ANKFN1: variants seen among roughly 807,000 people sequenced by gnomAD.
ANKFN1 encodes ankyrin repeat and fibronectin type-III domain-containing protein 1.
In ANKFN1, 74 loss-of-function variants were observed where a neutral mutation model predicts 108.7. The ratio of observed to expected loss-of-function variants is 0.68; its 90% CI spans 0.56 to 0.83. ANKFN1 has a LOEUF of 0.83. Among genes scored for constraint, ANKFN1 ranks in the 40% least tolerant of loss-of-function variants. The pLI is 0.00. For synonymous variants in ANKFN1, 547 were observed against 516.2 expected (o/e 1.06, Z -0.81); for missense variants, 1,505 against 1,382.3 (o/e 1.09, Z -1.41).
At chr17:56,291,918 A>C (rs74710986) in intron 3 of ANKFN1, among the ~76,000 whole-genome samples, 3,283 of 152,338 alleles carry the variant, frequency 0.022, 142 homozygotes, top group African/African-American at 0.074. Flanking sequence ...AGAGGAAGGT[A>C]CTTAATCCAC....
intron 1 of ANKFN1, among the ~76,000 whole-genome samples, chr17:56,195,698 C>T (rs1215405804): frequency 6.6e-6 from 1 of 152,210 alleles, no homozygotes. Flanking sequence ...TGACAGCAGC[C>T]AGACTGAGGG....
At chr17:56,236,005 T>G (rs1040715178) in intron 3 of ANKFN1, among the ~76,000 whole-genome samples, 1 of 152,114 alleles carries the variant, frequency 6.6e-6, no homozygotes, top group Non-Finnish European at 1.5e-5. Context: ...ATGGAATGTT[T>G]TTCCATTTAT....
chr17:56,208,280 CA>C (rs1181961386), intron 1 of ANKFN1, among the ~76,000 whole-genome samples: 2 of 152,186 alleles, frequency 1.3e-5, no homozygotes, highest in African/African-American at 4.8e-5. Flanking sequence ...CTTGGCCTCC[CA>C]AAGTGCTGGG....
At chr17:56,238,162 C>G (rs897557533) in intron 3 of ANKFN1, among the ~76,000 whole-genome samples, 4 of 151,980 alleles carry the variant, frequency 2.6e-5, no homozygotes, top group African/African-American at 9.7e-5. Flanking sequence ...GATTTCAGTT[C>G]TTTTGCATAT....
intron 3 of ANKFN1, among the ~76,000 whole-genome samples, chr17:56,282,419 A>G (rs545428811): frequency 6.6e-6 from 1 of 152,228 alleles, no homozygotes; most frequent in South Asian, 2.1e-4. Flanking sequence ...TTATCAAAAC[A>G]TTTGTTAAAA....
In ANKFN1 at chr17:56,327,635, G is replaced by A. The variant is rs537702511; in HGVS notation, c.188+1280G>A. On this transcript the variant is annotated intron_variant, in intron 4 of 20. Coordinates refer to ENST00000682825, the MANE Select transcript of ANKFN1 (RefSeq NM_001370326.1). ...ATGGCATTCTAATAGCAAGGAGACC[G>A]AGTTGCCTACTGGTTACAGGAATGG... 3.9e-5 allele frequency among the ~76,000 whole-genome samples: 6 copies of A among 152,250 alleles called. No homozygotes were observed. The East Asian group carries it at 7.7e-4, about 20-fold the overall frequency.
chr17:56,096,857 C>T (rs1905544953), intron 4 of ANKFN1, among the ~76,000 whole-genome samples: 2 of 152,122 alleles, frequency 1.3e-5, no homozygotes, highest in Non-Finnish European at 2.9e-5. Context: ...GATAAAGAAC[C>T]AACTTAAATG....
intron 3 of ANKFN1, among the ~76,000 whole-genome samples, chr17:56,287,913 G>A (rs1317399386): frequency 6.6e-6 from 1 of 152,104 alleles, no homozygotes; most frequent in Non-Finnish European, 1.5e-5. Context: ...CTTTGAGTGG[G>A]CCAAGCTTTG....
chr17:56,253,366 G>A (rs963053192), intron 3 of ANKFN1, among the ~76,000 whole-genome samples: 1 of 152,210 alleles, frequency 6.6e-6, no homozygotes, highest in African/African-American at 2.4e-5. Context: ...TAATTCAGCA[G>A]TGAATTCTGA....
At chr17:56,477,732 C>A in intron 16 of ANKFN1, 78 bp downstream of exon 16, 1 of 1,501,118 alleles carries the variant, frequency 6.7e-7, no homozygotes, top group Non-Finnish European at 9.1e-7. Context: ...CAGAAGGAAA[C>A]TGAAGTGTTA....
intron 4 of ANKFN1, among the ~76,000 whole-genome samples, chr17:56,124,779 G>A (rs1567795032): frequency 6.6e-6 from 1 of 152,162 alleles, no homozygotes; most frequent in Non-Finnish European, 1.5e-5. Flanking sequence ...CTGCCTTTGG[G>A]ATTATTCATT....
chr17:56,184,290 T>C (rs989103702), intron 1 of ANKFN1, among the ~76,000 whole-genome samples: 4 of 152,102 alleles, frequency 2.6e-5, no homozygotes, highest in African/African-American at 9.7e-5. Context: ...CCCTGATCAG[T>C]CAGCAGCCAG....
chr17:56,060,494 T>A (rs1904954286), intron 4 of ANKFN1, among the ~76,000 whole-genome samples: 1 of 152,172 alleles, frequency 6.6e-6, no homozygotes, highest in Non-Finnish European at 1.5e-5. Flanking sequence ...AGAGAGGGGA[T>A]CCTTTTCTTG....
At chr17:56,437,973 G>GGGGTGTGTGTGTGTGTGTGTGT (rs1555653063) in intron 8 of ANKFN1, among the ~76,000 whole-genome samples, 221 of 142,264 alleles carry the variant, frequency 1.6e-3, no homozygotes, top group African/African-American at 5.7e-3. Context: ...ATCTACTGTA[G>GGGGTGTGTGTGTGTGTGTGTGT]GTGTGTGTGT....
intron 4 of ANKFN1, among the ~76,000 whole-genome samples, chr17:56,340,364 A>G (rs2045929482): frequency 6.6e-6 from 1 of 152,116 alleles, no homozygotes; most frequent in Non-Finnish European, 1.5e-5. Context: ...CATCTTCATC[A>G]TGAAATATTT....
At chr17:56,115,683 C>G (rs1002928296) in intron 4 of ANKFN1, among the ~76,000 whole-genome samples, 1 of 152,092 alleles carries the variant, frequency 6.6e-6, no homozygotes, top group Non-Finnish European at 1.5e-5. Flanking sequence ...TATACCTCTC[C>G]TTTGCTTTGG....
Position 56,510,861 on chromosome 17 carries a change from C to A in ANKFN1, c.3033C>A (p.Phe1011Leu). 2.0e-6 allele frequency: 3 copies of A among 1,536,048 alleles called. No individual in the cohort carries two copies. Among genetic ancestry groups the A allele is most frequent in the Non-Finnish European group, 2.6e-6 (3 of 1,146,886 alleles). The change falls in exon 21 of 21, where the codon TTC becomes TTA. Residue 1011 changes from phenylalanine to leucine, a missense_variant. Coordinates refer to ENST00000682825, the MANE Select transcript of ANKFN1 (RefSeq NM_001370326.1). ...KPGKHPHYGG[F>L]SRHHRWLRIH... ...GCAAGCACCCCCACTATGGCGGCTT[C>A]AGCCGCCATCATCGCTGGTTGCGCA...
chr17:56,463,624 C>G (rs1270698336), intron 14 of ANKFN1, among the ~76,000 whole-genome samples: 1 of 152,270 alleles, frequency 6.6e-6, no homozygotes, highest in East Asian at 1.9e-4. Context: ...ATTGCTCTTA[C>G]ATTGAAAGGT....
intron 4 of ANKFN1, among the ~76,000 whole-genome samples, chr17:56,331,467 A>G (rs558694874): frequency 6.6e-6 from 1 of 152,282 alleles, no homozygotes; most frequent in South Asian, 2.1e-4. Flanking sequence ...AGAAAGTCCC[A>G]CAACCAAGCT....
Sources: gnomAD v4.1 joint callset for allele counts (sites outside exome capture counted in the v4.1 genomes callset) on GRCh38, gnomAD v4.1.1 for gene constraint, MANE v1.5 for transcripts, NCBI Gene and HGNC (gene_info 2026-07-23, HGNC 2026-07-21) for gene names.